The following PUM3 variants were observed in gnomAD, a reference collection of about 807,000 sequenced individuals.
PUM3 encodes pumilio homolog 3.
PUM3 carries 91 observed loss-of-function variants against 84.0 expected under a neutral mutation model. The ratio of observed to expected loss-of-function variants is 1.08; its 90% CI spans 0.91 to 1.29. The LOEUF (loss-of-function observed/expected upper bound fraction) is 1.29. Ranked by LOEUF, PUM3 falls within the 50% of genes most tolerant of loss-of-function variation. The pLI, the probability that PUM3 is intolerant of heterozygous loss-of-function variation, is 0.00. For missense variants in PUM3, 1,067 were observed against 767.5 expected (o/e 1.39, Z -4.61); for synonymous variants, 321 against 266.7 (o/e 1.20, Z -1.98).
At chr9:2,806,957 C>T (rs1251546112) in intron 17 of PUM3, among the ~76,000 whole-genome samples, 1 of 151,956 alleles carries the variant, frequency 6.6e-6, no homozygotes, top group African/African-American at 2.4e-5. Context: ...GCCTGTAATC[C>T]CAGCACTTTG....
chr9:2,832,742 T>G (rs527711818), intron 5 of PUM3, among the ~76,000 whole-genome samples: 3 of 152,192 alleles, frequency 2.0e-5, no homozygotes, highest in Non-Finnish European at 4.4e-5. Context: ...ATATAGCATC[T>G]GGTTAGACCT....
intron 17 of PUM3, 96 bp downstream of exon 17, chr9:2,807,718 C>A: frequency 2.8e-6 from 2 of 707,014 alleles, no homozygotes; most frequent in African/African-American, 1.8e-5. Context: ...TATTAGACTA[C>A]TGAGAACAAA....
intron 13 of PUM3, among the ~76,000 whole-genome samples, chr9:2,814,214 A>ATTT (rs372676174): frequency 1.9e-4 from 23 of 118,946 alleles, no homozygotes; most frequent in African/African-American, 9.8e-4. Context: ...AACTCCAACT[A>ATTT]TTTTTTTTTT....
chr9:2,820,058 C>A lies in PUM3; in HGVS notation c.1229G>T (p.Cys410Phe), dbSNP rs780010018. 1 of 1,612,900 alleles carries A rather than the reference C, an allele frequency of 6.2e-7. No homozygotes were observed. The highest frequency in any genetic ancestry group is 8.5e-7 in the Non-Finnish European group (1 of 1,179,120). ...CTTCACAAGCTTAGTATCATCAATA[C>A]AATCAAATGCCGCCAGTAAAACCAA... ...SHLVLLAAFD[C>F]IDDTKLVKQI... The change falls in exon 13 of 18, where the codon TGT becomes TTT. Residue 410 changes from cysteine (C) to phenylalanine (F), a missense_variant. Transcript: ENST00000397885.
In PUM3 at chr9:2,831,300, A is replaced by T; in HGVS notation, c.561T>A (p.Ile187=). 1 of 1,611,152 alleles carries T rather than the reference A, an allele frequency of 6.2e-7. No homozygotes were observed. The highest frequency in any genetic ancestry group is 8.5e-7 in the Non-Finnish European group (1 of 1,178,864). Residue 187 remains isoleucine (I), a synonymous_variant, in exon 6 of 18, where the codon ATT becomes ATA. Transcript: ENST00000397885. ...HDSTRVIQCY[I]QYGNEEQRKQ... The stretch of plus-strand genomic sequence containing the variant: ...TTCTCTGTTCTTCATTACCATACTG[A>T]ATGTAACACTGGATCACACGAGTTG...
chr9:2,829,696 G>C (rs1005970270), intron 8 of PUM3, 78 bp downstream of exon 8: 1 of 1,219,910 alleles, frequency 8.2e-7, no homozygotes, highest in Non-Finnish European at 1.1e-6. Context: ...ACATTCAAAA[G>C]ATATATAGGG....
In PUM3 at chr9:2,824,717, CT is replaced by C; in HGVS notation, c.1133del (p.Lys378ArgfsTer5). 1 of 1,536,682 alleles carries C rather than the reference CT, an allele frequency of 6.5e-7. No individual in the cohort carries two copies. On this transcript the variant is annotated frameshift_variant and splice_region_variant, in exon 11 of 18. Transcript: ENST00000397885. LOFTEE classifies it high-confidence loss of function. ...AATGCCCAAGTGCTGTCACACTTAC[CT>C]TGGGCGTGCCATGCCACAGGCAGTG... is the stretch of plus-strand genomic sequence containing the variant. ...AMHCLWHGTPKDRKVIVKTMK... is the reference protein window; with the variant it reads ...AMHCLWHGTPXDRKVIVKTMK...
In PUM3 at chr9:2,820,081, C is replaced by T. The variant is rs1323488583; in HGVS notation, c.1206G>A (p.Leu402=). 6.2e-6 allele frequency: 10 copies of T among 1,610,708 alleles called. No individual in the cohort carries two copies. Among genetic ancestry groups the T allele is most frequent in the Admixed American group, 3.3e-5 (2 of 59,900 alleles). The stretch of plus-strand genomic sequence containing the variant: ...TACAATCAAATGCCGCCAGTAAAAC[C>T]AAATGGGAGTATTGGCCCTGCAAGA... The part of the protein sequence containing the change: ...EKVANGQYSH[L]VLLAAFDCID... Residue 402 remains leucine, a synonymous_variant, in exon 13 of 18, where the codon TTG becomes TTA. Coordinates refer to ENST00000397885, the MANE Select transcript of PUM3 (RefSeq NM_014878.5).
At chr9:2,841,251 G>A (rs766943968) in intron 1 of PUM3, among the ~76,000 whole-genome samples, 9 of 152,176 alleles carry the variant, frequency 5.9e-5, no homozygotes, top group Non-Finnish European at 1.0e-4. Flanking sequence ...CAGTGTTGAC[G>A]TACAATTCTT....
At chr9:2,809,736 G>C (rs73394626) in intron 16 of PUM3, among the ~76,000 whole-genome samples, 430 of 152,316 alleles carry the variant, frequency 2.8e-3, no homozygotes, top group African/African-American at 9.9e-3. Context: ...AGGACTGAGA[G>C]GGGAATGGCA....
intron 12 of PUM3, 130 bp from the exon 13 acceptor site, chr9:2,820,228 T>G: frequency 1.9e-6 from 1 of 517,668 alleles, no homozygotes; most frequent in East Asian, 2.9e-5. Context: ...AAAGATTACC[T>G]ACATTGACAA....
intron 12 of PUM3, among the ~76,000 whole-genome samples, chr9:2,822,055 C>T (rs1815657767): frequency 6.6e-6 from 1 of 152,058 alleles, no homozygotes; most frequent in Non-Finnish European, 1.5e-5. Context: ...TCTCTTAACT[C>T]GGACACACAT....
chr9:2,818,770 G>C (rs1821524384), intron 13 of PUM3, among the ~76,000 whole-genome samples: 1 of 152,140 alleles, frequency 6.6e-6, no homozygotes. Context: ...AACAGTCAAG[G>C]GTAAAGTTGG....
Position 2,815,494 on chromosome 9 carries a change from G to A in PUM3, c.1270-3132C>T, listed in dbSNP as rs537129986. 2.0e-3 allele frequency among the ~76,000 whole-genome samples: 304 copies of A among 152,156 alleles called. 2 individuals are homozygous for A. Among genetic ancestry groups the A allele is most frequent in the African/African-American group, 7.0e-3 (289 of 41,514 alleles). ...ATTTTGTGCAGAATTTAATCTCCGG[G>A]GTCTTAAGTTCAAGCTGTGTAGCCT... On this transcript the variant is annotated intron_variant, in intron 13 of 17. Transcript: ENST00000397885.
intron 9 of PUM3, chr9:2,828,461 T>C (rs760427915): frequency 8.6e-6 from 4 of 462,990 alleles, no homozygotes; most frequent in Non-Finnish European, 1.5e-5. Flanking sequence ...AAATCACGAA[T>C]GCATGTTAGT....
rs1815929315 is a variant in PUM3 at position 2,829,918 on chromosome 9, T to C, written c.708A>G (p.Arg236=). The stretch of plus-strand genomic sequence containing the variant: ...TCTTCCTCACGTGGCCTTTAAAACT[T>C]CTGATTATCTCTGCAATCTGTGGTT... ...GSKPQIAEII[R]SFKGHVRKML... The change falls in exon 8 of 18, where the codon AGA becomes AGG. Residue 236 remains arginine (R), a synonymous_variant. Coordinates refer to ENST00000397885, the MANE Select transcript of PUM3 (RefSeq NM_014878.5). 1.2e-6 allele frequency: 2 copies of C among 1,613,532 alleles called. No homozygotes were observed. Among genetic ancestry groups the C allele is most frequent in the South Asian group, 2.2e-5 (2 of 91,028 alleles).
chr9:2,819,491 G>C (rs1201601860), intron 13 of PUM3, among the ~76,000 whole-genome samples: 3 of 152,202 alleles, frequency 2.0e-5, no homozygotes, highest in African/African-American at 4.8e-5. Flanking sequence ...GCTCTAAGAA[G>C]CATCACAACT....
Position 2,833,343 on chromosome 9 carries a change from T to C in PUM3, c.516+14A>G. 3.5e-6 allele frequency: 5 copies of C among 1,433,114 alleles called. No individual in the cohort carries two copies. The highest frequency in any genetic ancestry group is 1.2e-5 in the South Asian group (1 of 85,398). 88.8% of individuals were successfully genotyped at this position (1,433,114 alleles called of 1,614,324 possible). On this transcript the variant is annotated intron_variant, in intron 5 of 17. Transcript: ENST00000397885. ...AACTGTTAAAAATTGCAACAATGAG[T>C]ATATGCTACTTACAGTTTTAATTTT...
Position 2,823,779 on chromosome 9 carries a change from A to C in PUM3, c.1188+2T>G. ...TAGAATATGTAGTTTTATTATACTTACATTAGCCACCTTTTCAACATAAGT... is the reference window on the plus strand; with the variant it reads ...TAGAATATGTAGTTTTATTATACTTCCATTAGCCACCTTTTCAACATAAGT... On this transcript the variant is annotated splice_donor_variant, in intron 12 of 17. Transcript: ENST00000397885. LOFTEE classifies it high-confidence loss of function. 7.2e-7 allele frequency: 1 copy of C among 1,392,624 alleles called. No individual in the cohort carries two copies. Among genetic ancestry groups the C allele is most frequent in the Non-Finnish European group, 1.0e-6 (1 of 1,001,798 alleles). 86.3% of individuals were successfully genotyped at this position (1,392,624 alleles called of 1,614,324 possible).
Sources: allele counts gnomAD v4.1 joint callset (sites outside exome capture counted in the v4.1 genomes callset), GRCh38; gene constraint gnomAD v4.1.1; transcripts MANE v1.5; gene names NCBI Gene and HGNC (gene_info 2026-07-23, HGNC 2026-07-21).